The following RFX3 variants were observed in gnomAD, a reference collection of about 807,000 sequenced individuals.
RFX3 encodes the protein transcription factor RFX3.
Under a neutral mutation model 98.6 loss-of-function variants are expected in RFX3, and 14 were observed. The ratio of observed to expected loss-of-function variants is 0.14; its 90% confidence interval spans 0.09 to 0.22. The LOEUF is 0.22. Ranked by LOEUF, RFX3 falls within the 10% of genes least tolerant of loss-of-function variation. The pLI is 1.00. For missense variants in RFX3, 639 were observed against 926.9 expected (o/e 0.69, Z 4.03); for synonymous variants, 383 against 328.4 (o/e 1.17, Z -1.80).
intron 16 of RFX3, among the ~76,000 whole-genome samples, chr9:3,227,513 C>T (rs1269134490): frequency 6.6e-6 from 1 of 152,134 alleles, no homozygotes; most frequent in East Asian, 1.9e-4. Flanking sequence ...TGCATAAAAA[C>T]TAAAATTAGG....
chr9:3,394,208 A>AATCCACAGTAGCTC (rs1173809618), intron 2 of RFX3, among the ~76,000 whole-genome samples: 1 of 152,184 alleles, frequency 6.6e-6, no homozygotes, highest in Non-Finnish European at 1.5e-5. Context: ...TCATGCCTGT[A>AATCCACAGTAGCTC]ATCCCAGCAC....
intron 15 of RFX3, among the ~76,000 whole-genome samples, chr9:3,232,252 A>T (rs1490808431): frequency 6.6e-6 from 1 of 152,232 alleles, no homozygotes; most frequent in Admixed American, 6.5e-5. Flanking sequence ...CACTGACGTG[A>T]CATCTTACCA....
At chr9:3,460,616 A>G (rs535155694) in intron 1 of RFX3, among the ~76,000 whole-genome samples, 47 of 152,094 alleles carry the variant, frequency 3.1e-4, no homozygotes, top group Non-Finnish European at 6.2e-4. Context: ...AACCTTATTC[A>G]TGTCACTTAG....
rs1167191889 is a variant in RFX3 at position 3,224,919 on chromosome 9, A to G, written c.*123T>C. 1.0e-6 allele frequency: 1 copy of G among 984,640 alleles called. No individual in the cohort carries two copies. The highest frequency in any genetic ancestry group is 1.6e-5 in the African/African-American group (1 of 61,496). 61.0% of individuals were successfully genotyped at this position (984,640 alleles called of 1,614,324 possible). On this transcript the variant is annotated 3_prime_UTR_variant, in exon 17 of 17. Transcript: ENST00000617270. ...ACACCCATTCCATTTCACAACTCCA[A>G]AAAGTTAATGTTCAGCACAGATAGA...
At chr9:3,390,213 T>C (rs1339005375) in intron 2 of RFX3, among the ~76,000 whole-genome samples, 2 of 152,046 alleles carry the variant, frequency 1.3e-5, no homozygotes, top group African/African-American at 4.8e-5. Flanking sequence ...CTGTGGTAGG[T>C]GATTGAATCA....
intron 2 of RFX3, among the ~76,000 whole-genome samples, chr9:3,361,954 A>G (rs576054262): frequency 6.6e-6 from 1 of 152,266 alleles, no homozygotes; most frequent in South Asian, 2.1e-4. Flanking sequence ...CTCAAAAATA[A>G]AGTAAAATAA....
intron 16 of RFX3, 119 bp downstream of exon 16, chr9:3,228,728 T>C (rs1586648535): frequency 1.3e-6 from 1 of 743,424 alleles, no homozygotes; most frequent in East Asian, 2.9e-5. Flanking sequence ...CCTATTTATC[T>C]AGGATTTGTA....
chr9:3,260,945 C>A (rs1586781530), intron 13 of RFX3, among the ~76,000 whole-genome samples: 1 of 150,162 alleles, frequency 6.7e-6, no homozygotes, highest in Non-Finnish European at 1.5e-5. Flanking sequence ...AAGTTTGAAC[C>A]CAGTCCATGA....
At chr9:3,336,735 C>G (rs866931485) in intron 3 of RFX3, among the ~76,000 whole-genome samples, 5 of 152,122 alleles carry the variant, frequency 3.3e-5, no homozygotes, top group African/African-American at 4.8e-5. Flanking sequence ...AAACAATTTT[C>G]TTAACTGCAG....
At chr9:3,493,072 T>C (rs1440644563) in intron 1 of RFX3, among the ~76,000 whole-genome samples, 1 of 152,138 alleles carries the variant, frequency 6.6e-6, no homozygotes, top group Non-Finnish European at 1.5e-5. Context: ...TGATAATAAT[T>C]TACTGAGGGT....
rs564082879 is a variant in RFX3, at chr9:3,266,331, A to AT, written c.1358-27dup. 460 of 1,479,052 alleles carry AT rather than the reference A, an allele frequency of 3.1e-4. 5 individuals are homozygous for AT. In the South Asian group the frequency reaches 4.8e-3, roughly 16 times the overall value. 91.6% of individuals were successfully genotyped at this position (1,479,052 alleles called of 1,614,324 possible). A position where few individuals can be genotyped will look rare whatever the true frequency, so the allele number is the denominator to read the frequency against. ...CTAAACATTAAAGAATAAAAGCAGG[A>AT]TAAAAAAAAGTATGAAAGAATATTA... On this transcript the variant is annotated intron_variant, in intron 11 of 16. Transcript: ENST00000617270.
In RFX3 at chr9:3,223,250, C is replaced by G. The variant is rs922320342; in HGVS notation, c.*1792G>C. The stretch of plus-strand genomic sequence containing the variant: ...AGATGTGCCTTTCTTGTGTTTTAAT[C>G]ATTAAATAATTTGAGTGCTTAAAAG... On this transcript the variant is annotated 3_prime_UTR_variant, in exon 17 of 17. Coordinates refer to ENST00000617270, the MANE Select transcript of RFX3 (RefSeq NM_001282116.2). 3 of 151,968 alleles carry G rather than the reference C, an allele frequency of 2.0e-5. No individual in the cohort carries two copies. Among genetic ancestry groups the G allele is most frequent in the Non-Finnish European group, 4.4e-5 (3 of 67,996 alleles). The allele number at this position is 151,968 out of a possible 1,614,324, so 9.4% of individuals were successfully genotyped here. A position where few individuals can be genotyped will look rare whatever the true frequency, so the allele number is the denominator to read the frequency against.
At chr9:3,331,022 T>G (rs1832539926) in intron 3 of RFX3, among the ~76,000 whole-genome samples, 1 of 152,306 alleles carries the variant, frequency 6.6e-6, no homozygotes, top group African/African-American at 2.4e-5. Context: ...ATAAGGATCT[T>G]AAGCAAATAG....
chr9:3,388,309 T>A (rs1256301705), intron 2 of RFX3, among the ~76,000 whole-genome samples: 2 of 152,144 alleles, frequency 1.3e-5, no homozygotes, highest in Non-Finnish European at 2.9e-5. Context: ...TAATGGAGAC[T>A]ATTCATTTAA....
intron 3 of RFX3, chr9:3,344,822 C>A: frequency 1.4e-6 from 1 of 714,318 alleles, no homozygotes; most frequent in South Asian, 1.5e-5. Context: ...GTATAAATGC[C>A]AACAGTAGTT....
At chr9:3,244,255 C>T (rs906761103) in intron 15 of RFX3, among the ~76,000 whole-genome samples, 2 of 152,164 alleles carry the variant, frequency 1.3e-5, no homozygotes, top group Non-Finnish European at 2.9e-5. Context: ...ATCCACCCGC[C>T]TTGTCCTCCC....
intron 1 of RFX3, among the ~76,000 whole-genome samples, chr9:3,402,042 T>G (rs1429759706): frequency 6.6e-6 from 1 of 152,204 alleles, no homozygotes; most frequent in Non-Finnish European, 1.5e-5. Context: ...TGAAGATTAT[T>G]TAATACACTC....
intron 1 of RFX3, among the ~76,000 whole-genome samples, chr9:3,416,505 A>G (rs1024554945): frequency 2.0e-5 from 3 of 152,192 alleles, no homozygotes; most frequent in Non-Finnish European, 2.9e-5. Context: ...TTAGGGGGAA[A>G]AAAAGCCAAT....
At chr9:3,270,240 T>C (rs1563834022) in intron 11 of RFX3, 131 bp downstream of exon 11, 1 of 880,034 alleles carries the variant, frequency 1.1e-6, no homozygotes. Context: ...CAATATTCTG[T>C]GTTGCATGTT....
Sources: gnomAD v4.1 joint callset for allele counts (sites outside exome capture counted in the v4.1 genomes callset) on GRCh38, gnomAD v4.1.1 for gene constraint, MANE v1.5 for transcripts, NCBI Gene and HGNC (gene_info 2026-07-23, HGNC 2026-07-21) for gene names.